The following LRGUK variants were observed in gnomAD, a reference collection of about 807,000 sequenced individuals.
The protein encoded by LRGUK is leucine-rich repeat and guanylate kinase domain-containing protein.
A neutral mutation model predicts 76.0 loss-of-function variants in LRGUK; 65 were observed. The observed-to-expected ratio is 0.85, with a 90% CI of 0.70 to 1.05. The LOEUF (loss-of-function observed/expected upper bound fraction) is 1.05. LRGUK is among the 50% of genes least tolerant of loss of function. The pLI is 0.00. For missense variants in LRGUK, 758 were observed against 732.8 expected (o/e 1.03, Z -0.40); for synonymous variants, 268 against 265.6 (o/e 1.01, Z -0.09).
chr7:134,231,745 G>A (rs13226377), intron 16 of LRGUK, among the ~76,000 whole-genome samples: 4 of 50,848 alleles, frequency 7.9e-5, no homozygotes, highest in South Asian at 6.5e-4. Flanking sequence ...CCTTCCTCCC[G>A]TTCTCCCTCT....
intron 2 of LRGUK, among the ~76,000 whole-genome samples, chr7:134,137,903 G>C (rs997463175): frequency 2.0e-5 from 3 of 151,874 alleles, no homozygotes; most frequent in African/African-American, 4.8e-5. Flanking sequence ...ATGATTTGGC[G>C]AAAGGGTATG....
chr7:134,211,697 G>A (rs1029643299), downstream of LRGUK, among the ~76,000 whole-genome samples: 1 of 152,188 alleles, frequency 6.6e-6, no homozygotes, highest in African/African-American at 2.4e-5. Flanking sequence ...CCATCTGGTT[G>A]AATCAATTAA....
chr7:134,195,799 TA>T (rs1800453617), intron 12 of LRGUK, among the ~76,000 whole-genome samples: 1 of 151,936 alleles, frequency 6.6e-6, no homozygotes, highest in African/African-American at 2.4e-5. Context: ...ATTGAAGGAG[TA>T]AAATAGTAAG....
chr7:134,208,055 A>G (rs562141514), intron 15 of LRGUK, among the ~76,000 whole-genome samples: 1 of 152,292 alleles, frequency 6.6e-6, no homozygotes, highest in East Asian at 1.9e-4. Context: ...TGGAAGCCCA[A>G]GAGGAGGCCT....
chr7:134,193,620 A>G lies in LRGUK; in HGVS notation c.1431+1869A>G, dbSNP rs895089227. 5.9e-5 allele frequency among the ~76,000 whole-genome samples: 9 copies of G among 152,326 alleles called. No homozygotes were observed. In the South Asian group the frequency reaches 1.9e-3, roughly 32 times the overall value. ...ATAACATATATATACATTTCAGGAT[A>G]ATGTAATTTTCTTGAACTTGAATTG... On this transcript the variant is annotated intron_variant, in intron 12 of 15. Transcript: ENST00000645682.
At chr7:134,274,575 AC>A in the LRGUK span, among the ~76,000 whole-genome samples, 57 of 151,082 alleles carry the variant, frequency 3.8e-4, 2 homozygotes, top group Admixed American at 3.7e-3. Context: ...GGATTTTAGT[AC>A]CTAATTATAA....
intron 16 of LRGUK, among the ~76,000 whole-genome samples, chr7:134,240,786 G>T (rs1476266933): frequency 6.6e-6 from 1 of 152,112 alleles, no homozygotes; most frequent in Non-Finnish European, 1.5e-5. Flanking sequence ...GGAAAAAATG[G>T]TAAGGGCAGC....
intron 10 of LRGUK, among the ~76,000 whole-genome samples, chr7:134,181,327 C>T (rs1799736665): frequency 6.6e-6 from 1 of 151,874 alleles, no homozygotes; most frequent in African/African-American, 2.4e-5. Context: ...AATGTTACTC[C>T]ATTGTCTTTT....
At chr7:134,180,302 A>G (rs200575408) in intron 10 of LRGUK, among the ~76,000 whole-genome samples, 23,449 of 144,950 alleles carry the variant, frequency 0.16, 2,541 homozygotes, top group East Asian at 0.38. Context: ...CCATCCATCC[A>G]TCCATCCATC....
At chr7:134,179,344 G>T (rs1438623662) in intron 10 of LRGUK, among the ~76,000 whole-genome samples, 1 of 152,056 alleles carries the variant, frequency 6.6e-6, no homozygotes, top group Non-Finnish European at 1.5e-5. Flanking sequence ...ATACCCAAAG[G>T]CATTTTAAAA....
chr7:134,157,208 T>A (rs531547659), intron 5 of LRGUK, among the ~76,000 whole-genome samples: 1 of 152,348 alleles, frequency 6.6e-6, no homozygotes, highest in Admixed American at 6.5e-5. Flanking sequence ...CCTCATTGAT[T>A]GAATGGAGGT....
At position 134,178,626 on chromosome 7, in the gene LRGUK, C is replaced by G; in HGVS notation, c.1214+17C>G. The G allele has an allele frequency of 6.3e-7, 1 of 1,598,542 alleles. No individual in the cohort carries two copies. The highest frequency in any genetic ancestry group is 2.2e-5 in the East Asian group (1 of 44,580). On this transcript the variant is annotated intron_variant, in intron 10 of 15. Transcript: ENST00000645682. ...CTTTGACAGGTACTTATTAGAAATC[C>G]AAAGGCCGGAATTCAGGGTGAGCAA...
At chr7:134,180,798 T>C (rs1456333079) in intron 10 of LRGUK, among the ~76,000 whole-genome samples, 1 of 152,208 alleles carries the variant, frequency 6.6e-6, no homozygotes, top group Non-Finnish European at 1.5e-5. Flanking sequence ...TGGCATCAAG[T>C]ACATTCATAA....
intron 19 of LRGUK, among the ~76,000 whole-genome samples, chr7:134,258,947 G>A (rs1400065676): frequency 6.6e-6 from 1 of 152,170 alleles, no homozygotes; most frequent in Non-Finnish European, 1.5e-5. Context: ...AGTAGAAGCT[G>A]CTGCACTGTC....
chr7:134,177,542 C>T (rs1401493072), intron 9 of LRGUK, among the ~76,000 whole-genome samples: 2 of 152,082 alleles, frequency 1.3e-5, no homozygotes, highest in African/African-American at 4.8e-5. Context: ...AATGATTCAT[C>T]TAGTCACAAA....
chr7:134,176,411 C>T (rs1799481706), intron 8 of LRGUK, among the ~76,000 whole-genome samples: 2 of 151,822 alleles, frequency 1.3e-5, no homozygotes, highest in African/African-American at 4.8e-5. Context: ...ACAGAGTCTC[C>T]CTCTGTCAAC....
At chr7:134,217,763 T>C (rs949056851) in intron 15 of LRGUK, among the ~76,000 whole-genome samples, 2 of 152,222 alleles carry the variant, frequency 1.3e-5, no homozygotes, top group Admixed American at 6.5e-5. Flanking sequence ...TATTTAAAAT[T>C]CAATAGCAGA....
rs551396783 is a variant in LRGUK at position 134,256,537 on chromosome 7, C to T, written c.2199-1720C>T. Among the ~76,000 whole-genome samples the T allele has an allele frequency of 3.3e-5, 5 of 151,884 alleles. No homozygotes were observed. In the East Asian group the frequency reaches 9.7e-4, roughly 29 times the overall value. On this transcript the variant is annotated intron_variant, in intron 18 of 19. Coordinates refer to the LRGUK transcript ENST00000285928. ...CCAAGCCAGCATCTTTCTATCATTC[C>T]TGAAGTTTACTTTGACTGAGAAGCA...
chr7:134,183,960 T>G (rs1000341283), intron 11 of LRGUK, 107 bp downstream of exon 11: 13 of 1,410,948 alleles, frequency 9.2e-6, no homozygotes, highest in Admixed American at 2.0e-5. Flanking sequence ...GCTATTAATT[T>G]TAAGCAATTT....
Sources: allele counts gnomAD v4.1 joint callset (sites outside exome capture counted in the v4.1 genomes callset), GRCh38; gene constraint gnomAD v4.1.1; transcripts MANE v1.5; gene names NCBI Gene and HGNC (gene_info 2026-07-23, HGNC 2026-07-21).